Variants in AMER1 observed in about 807,000 individuals in gnomAD.
AMER1 encodes RP11-403E24.2.
A neutral mutation model predicts 53.0 loss-of-function variants in AMER1; 16 were observed. The observed-to-expected ratio is 0.30, with a 90% CI of 0.20 to 0.46. The LOEUF is 0.46. Ranked by LOEUF, AMER1 falls within the 20% of genes least tolerant of loss-of-function variation. The pLI, the probability that AMER1 is intolerant of heterozygous loss-of-function variation, is 1.00. For missense variants in AMER1, 947 were observed against 884.9 expected (o/e 1.07, Z -0.89); for synonymous variants, 354 against 331.9 (o/e 1.07, Z -0.73).
intron 1 of AMER1, among the ~76,000 whole-genome samples, chrX:64,197,772 C>G (rs920041291): frequency 8.9e-6 from 1 of 112,248 alleles, no homozygotes; most frequent in Non-Finnish European, 1.9e-5. Flanking sequence ...TCAACTCTGC[C>G]CAGCTAGGGG....
chrX:64,190,887 G>A lies in AMER1; in HGVS notation c.2400C>T (p.Leu800=), dbSNP rs2147086194. The part of the protein sequence containing the change: ...SDSDSSFTQN[L]PELPPMVTFD... Reference sequence around the variant, plus strand: ...AGGTCACCATGGGAGGCAGCTCAGGGAGGTTTTGAGTGAAAGATGAGTCAG... The same window carrying A: ...AGGTCACCATGGGAGGCAGCTCAGGAAGGTTTTGAGTGAAAGATGAGTCAG... The change falls in exon 2 of 2, where the codon CTC becomes CTT. Residue 800 remains leucine, a synonymous_variant. Coordinates refer to ENST00000374869, the MANE Select transcript of AMER1 (RefSeq NM_152424.4). The A allele has an allele frequency of 5.0e-6, 6 of 1,211,717 alleles. No individual in the cohort carries two copies. Among genetic ancestry groups the A allele is most frequent in the Non-Finnish European group, 6.7e-6 (6 of 895,507 alleles).
chrX:64,204,190 G>C (rs972657789), intron 1 of AMER1, among the ~76,000 whole-genome samples: 3 of 113,361 alleles, frequency 2.6e-5, no homozygotes, highest in Non-Finnish European at 5.6e-5. Context: ...ACTGGGGGAG[G>C]GGGCTCTGCT....
rs2147084188 is a variant in AMER1 at position 64,190,045 on chromosome X, G to A, written c.3242C>T (p.Thr1081Ile). Residue 1081 changes from threonine to isoleucine, a missense_variant, in exon 2 of 2, where the codon ACC becomes ATC. Transcript: ENST00000374869. ...PLPQAKPVGI[T>I]HGIPQLPRVR... Reference sequence around the variant, plus strand: ...CCTGGGCAGCTGAGGAATGCCATGGGTGATGCCCACAGGCTTGGCCTGTGG... The same window carrying A: ...CCTGGGCAGCTGAGGAATGCCATGGATGATGCCCACAGGCTTGGCCTGTGG... 2.5e-6 allele frequency: 3 copies of A among 1,205,742 alleles called. No homozygotes were observed. Among genetic ancestry groups the A allele is most frequent in the Non-Finnish European group, 3.4e-6 (3 of 892,121 alleles).
intron 1 of AMER1, among the ~76,000 whole-genome samples, chrX:64,205,178 G>A (rs1286334855): frequency 8.8e-6 from 1 of 113,930 alleles, no homozygotes; most frequent in African/African-American, 3.2e-5. Context: ...TCCAGCAAAT[G>A]TGCTACAACA....
chrX:64,194,935 A>G (rs1300349569), intron 1 of AMER1, among the ~76,000 whole-genome samples: 1 of 111,576 alleles, frequency 9.0e-6, no homozygotes, highest in Non-Finnish European at 1.9e-5. Flanking sequence ...TCCATAAAGA[A>G]CACTCTGCAT....
At position 64,190,731 on chromosome X, in the gene AMER1, G is replaced by C. The variant is rs2147085812; in HGVS notation, c.2556C>G (p.Asn852Lys). The stretch of plus-strand genomic sequence containing the variant: ...CTTGGTAGAATCGACTATGGTAGTT[G>C]TTGAAGGCATGTTTGTGATAGTAGC... ...ELGYYHKHAF[N>K]NYHSRFYQGL... The change falls in exon 2 of 2, where the codon AAC becomes AAG. Residue 852 changes from asparagine (N) to lysine (K), a missense_variant. By Grantham distance (94) the Asn-to-Lys change is moderately conservative. Coordinates refer to ENST00000374869, the MANE Select transcript of AMER1 (RefSeq NM_152424.4). The C allele has an allele frequency of 8.3e-7, 1 of 1,207,164 alleles. No individual in the cohort carries two copies. Among genetic ancestry groups the C allele is most frequent in the East Asian group, 3.0e-5 (1 of 33,728 alleles).
Position 64,189,793 on chromosome X carries a change from A to AACCCCCCCCCC in AMER1, c.*85_*86insGGGGGGGGGGT. On this transcript the variant is annotated 3_prime_UTR_variant, in exon 2 of 2. Transcript: ENST00000374869. Reference sequence around the variant, plus strand: ...CAAAGGGTTTTCAAGTTAAACAACAACCCCCACCCCCCCACCCTTCTGCCC... The same window carrying AACCCCCCCCCC: ...CAAAGGGTTTTCAAGTTAAACAACAAACCCCCCCCCCCCCCCACCCCCCCACCCTTCTGCCC... The AACCCCCCCCCC allele has an allele frequency of 3.4e-6, 1 of 292,074 alleles. No individual in the cohort carries two copies. Among genetic ancestry groups the AACCCCCCCCCC allele is most frequent in the Non-Finnish European group, 4.9e-6 (1 of 204,832 alleles). The allele number at this position is 292,074 out of a possible 1,213,427, so 24.1% of individuals were successfully genotyped here. A position where few individuals can be genotyped will look rare whatever the true frequency, so the allele number is the denominator to read the frequency against.
chrX:64,186,323 C>T lies in AMER1; in HGVS notation c.*3556G>A. 1 of 1,012,889 alleles carries T rather than the reference C, an allele frequency of 9.9e-7. No individual in the cohort carries two copies. Among genetic ancestry groups the T allele is most frequent in the Non-Finnish European group, 1.3e-6 (1 of 794,560 alleles). The allele number at this position is 1,012,889 out of a possible 1,213,427, so 83.5% of individuals were successfully genotyped here. A position where few individuals can be genotyped will look rare whatever the true frequency, so the allele number is the denominator to read the frequency against. ...TGTGTCATCTTTGTTTTGTTTAAAA[C>T]TGTAAACAGCACCGCTTAAAAATAA... On this transcript the variant is annotated 3_prime_UTR_variant, in exon 2 of 2. Transcript: ENST00000374869.
chrX:64,197,628 G>A (rs1930401237), intron 1 of AMER1, among the ~76,000 whole-genome samples: 1 of 112,528 alleles, frequency 8.9e-6, no homozygotes, highest in Admixed American at 9.3e-5. Flanking sequence ...TAGTTCCTCA[G>A]GCCTGTTCCA....
rs1930272022 is a variant in AMER1 at position 64,192,473 on chromosome X, G to A, written c.814C>T (p.Pro272Ser). Residue 272 changes from proline (P) to serine (S), a missense_variant, in exon 2 of 2, where the codon CCC becomes TCC. By Grantham distance (74) the Pro-to-Ser change is moderately conservative (BLOSUM62 -1). Transcript: ENST00000374869. ...CTACTGGCTTCAGGGGCAGGCTTGGGTTGCACATGTGCTGAGGCACAGGCC... is the reference window on the plus strand; with the variant it reads ...CTACTGGCTTCAGGGGCAGGCTTGGATTGCACATGTGCTGAGGCACAGGCC... ...MEACASAHVQ[P>S]KPAPEASSLE... is the part of the protein sequence containing the mutation. 1 of 1,203,364 alleles carries A rather than the reference G, an allele frequency of 8.3e-7. No individual in the cohort carries two copies.
At chrX:64,194,601 G>C (rs889589793) in intron 1 of AMER1, among the ~76,000 whole-genome samples, 5 of 111,339 alleles carry the variant, frequency 4.5e-5, no homozygotes, top group African/African-American at 1.6e-4. Flanking sequence ...CTGTAGAGTG[G>C]CACCAGCAGA....
rs879051904 is a variant in AMER1 at position 64,185,688 on chromosome X, G to A, written c.*4191C>T. On this transcript the variant is annotated 3_prime_UTR_variant, in exon 2 of 2. Transcript: ENST00000374869. ...AGCAGGGCAGGGGAGGGGGAATGGT[G>A]GTAGGGGAGGAGATTCCCCCAAAGC... The A allele has an allele frequency of 1.7e-5, 3 of 176,931 alleles. No homozygotes were observed. In the South Asian group the frequency reaches 7.9e-4, roughly 47 times the overall value. 14.6% of individuals were successfully genotyped at this position (176,931 alleles called of 1,213,427 possible).
At position 64,185,556 on chromosome X, in the gene AMER1, A is replaced by T. The variant is rs1243609965; in HGVS notation, c.*4323T>A. ...CCTCACACATATACATACCATGTGG[A>T]TTTTCTTCTTTGGAGTGACTATAGG... On this transcript the variant is annotated 3_prime_UTR_variant, in exon 2 of 2. Transcript: ENST00000374869. The T allele has an allele frequency of 6.1e-6, 1 of 164,389 alleles. No homozygotes were observed. Among genetic ancestry groups the T allele is most frequent in the African/African-American group, 3.1e-5 (1 of 31,871 alleles). 13.5% of individuals were successfully genotyped at this position (164,389 alleles called of 1,213,427 possible).
Position 64,191,626 on chromosome X carries a change from A to G in AMER1, c.1661T>C (p.Met554Thr), listed in dbSNP as rs781376367. ...CACTAGCCGTTCTTCCTCTGTCTCC[A>G]TTGCCCCAGGTGGCCGGGAGGACAA... Reference protein sequence around the residue: ...PFLSSRPPGAMETEEERLVTI... With the variant: ...PFLSSRPPGATETEEERLVTI... The change falls in exon 2 of 2, where the codon ATG becomes ACG. Residue 554 changes from methionine to threonine, a missense_variant. By Grantham distance (81) the Met-to-Thr change is moderately conservative. Transcript: ENST00000374869. 19 of 1,210,686 alleles carry G rather than the reference A, an allele frequency of 1.6e-5. No homozygotes were observed. Among genetic ancestry groups the G allele is most frequent in the Non-Finnish European group, 2.0e-5 (18 of 895,363 alleles).
intron 1 of AMER1, among the ~76,000 whole-genome samples, chrX:64,198,872 C>T (rs1010290591): frequency 3.6e-5 from 4 of 112,304 alleles, no homozygotes; most frequent in Non-Finnish European, 7.5e-5. Context: ...GGCCCAAAAA[C>T]GAGAAACCTG....
chrX:64,189,953 C>T lies in AMER1; in HGVS notation c.3334G>A (p.Glu1112Lys), dbSNP rs780867419. The T allele has an allele frequency of 8.3e-7, 1 of 1,206,979 alleles. No individual in the cohort carries two copies. Among genetic ancestry groups the T allele is most frequent in the South Asian group, 1.8e-5 (1 of 55,896 alleles). ...YGPSSLDLSK[E>K]RAEQGASLAT... Reference sequence around the variant, plus strand: ...AGAGAGGCACCTTGCTCAGCCCTCTCCTTTGACAGGTCAAGGCTGGAAGGC... The same window carrying T: ...AGAGAGGCACCTTGCTCAGCCCTCTTCTTTGACAGGTCAAGGCTGGAAGGC... The change falls in exon 2 of 2, where the codon GAG (glutamate) becomes AAG (lysine). Residue 1112 changes from glutamate to lysine, a missense_variant. Glu to Lys is a moderately conservative substitution (Grantham distance 56). Transcript: ENST00000374869.
In AMER1 at chrX:64,190,229, G is replaced by C. The variant is rs1367906109; in HGVS notation, c.3058C>G (p.Leu1020Val). ...SRAPGESGPQ[L>V]ARPSHLHLPM... ...AGGTGTAGGTGTGAGGGACGAGCTA[G>C]TTGAGGCCCAGATTCCCCAGGTGCC... The change falls in exon 2 of 2, where the codon CTA becomes GTA. Residue 1020 changes from leucine (L) to valine (V), a missense_variant. By Grantham distance (32) the Leu-to-Val change is conservative. Transcript: ENST00000374869. 1 of 1,212,024 alleles carries C rather than the reference G, an allele frequency of 8.3e-7. No individual in the cohort carries two copies. Among genetic ancestry groups the C allele is most frequent in the Non-Finnish European group, 1.1e-6 (1 of 895,498 alleles).
chrX:64,203,906 T>A (rs1930542407), intron 1 of AMER1, among the ~76,000 whole-genome samples: 1 of 111,289 alleles, frequency 9.0e-6, no homozygotes, highest in African/African-American at 3.3e-5. Context: ...ATATCTGTGG[T>A]CCTGGCTCCT....
Position 64,189,880 on chromosome X carries a change from T to C in AMER1, c.3407A>G (p.Ter1136TrpextTer7), listed in dbSNP as rs767920878. The C allele has an allele frequency of 1.3e-5, 13 of 1,012,518 alleles. No homozygotes were observed. Among genetic ancestry groups the C allele is most frequent in the Non-Finnish European group, 1.7e-5 (13 of 776,758 alleles). 83.4% of individuals were successfully genotyped at this position (1,012,518 alleles called of 1,213,427 possible). The change falls in exon 2 of 2, where the codon TAG (stop) becomes TGG (tryptophan). Residue 1136 changes from the stop codon to tryptophan, a stop_lost. Coordinates refer to ENST00000374869, the MANE Select transcript of AMER1 (RefSeq NM_152424.4). ...TCCCTACTCCAGAATTGATAATAACTACTTGGCTAGGTTTCCATTCATGGC... is the reference window on the plus strand; with the variant it reads ...TCCCTACTCCAGAATTGATAATAACCACTTGGCTAGGTTTCCATTCATGGC... ...STAMNGNLAK* is the reference protein window; with the variant it reads ...STAMNGNLAKW
Sources: allele counts gnomAD v4.1 joint callset (sites outside exome capture counted in the v4.1 genomes callset), GRCh38; gene constraint gnomAD v4.1.1; transcripts MANE v1.5; gene names NCBI Gene and HGNC (gene_info 2026-07-23, HGNC 2026-07-21).